Variants in SLC25A17 observed in about 807,000 individuals in gnomAD.
SLC25A17 encodes the protein solute carrier family 25 member 17.
SLC25A17 carries 26 observed loss-of-function variants against 38.5 expected under a neutral mutation model. That is an observed-to-expected ratio of 0.68 (90% CI 0.50 to 0.94). SLC25A17 has a LOEUF of 0.94. SLC25A17 is among the 40% of genes least tolerant of loss of function. The pLI is 0.00. For synonymous variants in SLC25A17, 139 were observed against 136.2 expected (o/e 1.02, Z -0.14); for missense variants, 333 against 372.7 (o/e 0.89, Z 0.88).
rs776174469 is a variant in SLC25A17 at position 40,779,118 on chromosome 22, A to G, written c.342T>C (p.Val114=). ...AGAGTGGAGTTGTTAGCAACACATT[A>G]ACCACTCCTTTAACAAGAAAGATGG... ...DLVVGFVAGV[V]NVLLTTPLWV... Residue 114 remains valine, a synonymous_variant, in exon 5 of 9, where the codon GTT becomes GTC. Transcript: ENST00000435456. 1.2e-6 allele frequency: 2 copies of G among 1,614,144 alleles called. No homozygotes were observed. Among genetic ancestry groups the G allele is most frequent in the African/African-American group, 2.7e-5 (2 of 74,956 alleles).
At chr22:40,818,114 GAGA>G (rs1196010631) in intron 1 of SLC25A17, among the ~76,000 whole-genome samples, 2 of 152,226 alleles carry the variant, frequency 1.3e-5, no homozygotes, top group Non-Finnish European at 2.9e-5. Flanking sequence ...TTAGTCTACA[GAGA>G]AGGTGAGCTC....
chr22:40,795,085 A>G (rs1194294027), intron 2 of SLC25A17, among the ~76,000 whole-genome samples: 1 of 152,000 alleles, frequency 6.6e-6, no homozygotes, highest in Non-Finnish European at 1.5e-5. Flanking sequence ...TTTGAGGATT[A>G]TAATTGTTAA....
chr22:40,786,367 G>A (rs2057338437), intron 4 of SLC25A17, among the ~76,000 whole-genome samples: 1 of 152,050 alleles, frequency 6.6e-6, no homozygotes, highest in African/African-American at 2.4e-5. Context: ...TTTGATGATG[G>A]TGGCTGGGAC....
chr22:40,786,469 C>T (rs2057339453), intron 4 of SLC25A17, among the ~76,000 whole-genome samples: 1 of 152,194 alleles, frequency 6.6e-6, no homozygotes, highest in Admixed American at 6.6e-5. Flanking sequence ...TCCCCAGATG[C>T]TCCAGTCCCT....
At chr22:40,819,057 T>C in intron 1 of SLC25A17, 138 bp downstream of exon 1, 1 of 893,374 alleles carries the variant, frequency 1.1e-6, no homozygotes, top group South Asian at 1.5e-5. Flanking sequence ...GGCCCATTCC[T>C]CTCTGCCCCA....
chr22:40,796,454 C>T (rs544958735), intron 2 of SLC25A17, among the ~76,000 whole-genome samples: 8 of 151,656 alleles, frequency 5.3e-5, no homozygotes, highest in African/African-American at 9.7e-5. Flanking sequence ...GCCTGGCCAA[C>T]GTGGCGAAAC....
Position 40,789,088 on chromosome 22 carries a change from G to T in SLC25A17, c.334+3437C>A. On this transcript the variant is annotated intron_variant, in intron 4 of 8. Transcript: ENST00000435456. The surrounding 1 kb of genome is among the most constrained non-coding windows in gnomAD (Gnocchi z 4.5). ...CATCTTCTGACCATCTCTACTTCCA[G>T]CACTGGCCCAACCATAATAAATGCC... is the stretch of plus-strand genomic sequence containing the variant. The T allele has an allele frequency of 3.6e-6, 1 of 281,190 alleles. No individual in the cohort carries two copies. 17.4% of individuals were successfully genotyped at this position (281,190 alleles called of 1,614,324 possible). A position where few individuals can be genotyped will look rare whatever the true frequency, so the allele number is the denominator to read the frequency against.
At chr22:40,806,411 G>A (rs1044208638) in intron 1 of SLC25A17, among the ~76,000 whole-genome samples, 2 of 151,930 alleles carry the variant, frequency 1.3e-5, no homozygotes, top group Admixed American at 6.6e-5. Context: ...TAGAAATGTC[G>A]AATAAAATAT....
chr22:40,818,885 TGA>T (rs755780546), intron 1 of SLC25A17, among the ~76,000 whole-genome samples: 5 of 152,086 alleles, frequency 3.3e-5, no homozygotes, highest in Non-Finnish European at 7.4e-5. Context: ...GCAAAGTGTG[TGA>T]GTGTGCGGTG....
intron 1 of SLC25A17, among the ~76,000 whole-genome samples, chr22:40,807,899 T>C (rs926255966): frequency 5.3e-5 from 8 of 152,068 alleles, no homozygotes; most frequent in African/African-American, 1.7e-4. Context: ...TGAAGCAAAA[T>C]TATTTGTTAT....
rs1336024354 is a variant in SLC25A17 at position 40,777,063 on chromosome 22, G to T, written c.670C>A (p.Gln224Lys). The T allele has an allele frequency of 4.3e-6, 7 of 1,614,002 alleles. No homozygotes were observed. Among genetic ancestry groups the T allele is most frequent in the African/African-American group, 1.3e-5 (1 of 74,924 alleles). The change falls in exon 7 of 9, where the codon CAG (glutamine) becomes AAG (lysine). Residue 224 changes from glutamine (Q) to lysine (K), a missense_variant. Gln to Lys is a moderately conservative substitution (Grantham distance 53). Coordinates refer to ENST00000435456, the MANE Select transcript of SLC25A17 (RefSeq NM_006358.4). Reference protein sequence around the residue: ...AIATTVTYPLQTVQSILRFGR... With the variant: ...AIATTVTYPLKTVQSILRFGR... ...ACCCTCAGAATTGACTGTACCGTCT[G>T]CAGGGGATAGGTCACCGTGGTGGCA...
chr22:40,806,270 C>A (rs1359780277), intron 1 of SLC25A17, among the ~76,000 whole-genome samples: 1 of 152,182 alleles, frequency 6.6e-6, no homozygotes, highest in African/African-American at 2.4e-5. Flanking sequence ...CACATACACA[C>A]ACATGTATGG....
chr22:40,804,987 GGAAAGAAAGAAA>G (rs58201023), intron 1 of SLC25A17, among the ~76,000 whole-genome samples: 1 of 151,476 alleles, frequency 6.6e-6, no homozygotes. Flanking sequence ...AGAGAAGGAA[GGAAAGAAAGAAA>G]GAAAGAAAGA....
intron 2 of SLC25A17, among the ~76,000 whole-genome samples, chr22:40,797,778 A>G (rs1332729326): frequency 6.6e-6 from 1 of 152,278 alleles, no homozygotes; most frequent in Non-Finnish European, 1.5e-5. Context: ...TGATTAATTC[A>G]GAAATCACTA....
chr22:40,794,463 G>T, intron 3 of SLC25A17, 51 bp downstream of exon 3: 1 of 1,087,838 alleles, frequency 9.2e-7, no homozygotes, highest in South Asian at 1.3e-5. Flanking sequence ...TGGAAGCACA[G>T]GAATCTCCTA....
chr22:40,813,405 GCA>G (rs1482720200), intron 1 of SLC25A17, among the ~76,000 whole-genome samples: 2 of 152,102 alleles, frequency 1.3e-5, no homozygotes, highest in African/African-American at 2.4e-5. Context: ...AGGAGTGGTG[GCA>G]CACACCTGTA....
intron 1 of SLC25A17, chr22:40,813,990 T>G (rs2057609431): frequency 6.6e-6 from 1 of 152,390 alleles, no homozygotes. Context: ...ATAGAATACT[T>G]ACAAAGAACT....
At chr22:40,805,819 A>G (rs535845096) in intron 1 of SLC25A17, among the ~76,000 whole-genome samples, 139 of 152,372 alleles carry the variant, frequency 9.1e-4, no homozygotes, top group African/African-American at 3.2e-3. Context: ...AGAACTACAG[A>G]AAATAAATTT....
At chr22:40,777,406 T>C in intron 5 of SLC25A17, 33 bp from the exon 6 acceptor site, 1 of 1,599,156 alleles carries the variant, frequency 6.3e-7, no homozygotes, top group Non-Finnish European at 8.5e-7. Context: ...TTGAAAAGCA[T>C]GATCACAATC....
Sources: allele counts gnomAD v4.1 joint callset (sites outside exome capture counted in the v4.1 genomes callset), GRCh38; gene constraint gnomAD v4.1.1; non-coding constraint Gnocchi (gnomAD v3.1); transcripts MANE v1.5; gene names NCBI Gene and HGNC (gene_info 2026-07-23, HGNC 2026-07-21).